Variants in LRIF1 observed in about 807,000 individuals in gnomAD.
LRIF1 encodes ligand dependent nuclear receptor interacting factor 1, also known as ligand-dependent nuclear receptor-interacting factor 1.
LRIF1 carries 32 observed loss-of-function variants against 52.7 expected under a neutral mutation model. The ratio of observed to expected loss-of-function variants is 0.61; its 90% CI spans 0.46 to 0.82. LRIF1 has a LOEUF of 0.82. Ranked by LOEUF, LRIF1 falls within the 40% of genes least tolerant of loss-of-function variation. The pLI, the probability that LRIF1 is intolerant of heterozygous loss-of-function variation, is 0.00. For synonymous variants in LRIF1, 323 were observed against 317.4 expected, an observed-to-expected ratio of 1.02 and a Z score of -0.19; for missense variants, 887 against 892.0, an observed-to-expected ratio of 0.99 and a Z score of 0.07.
the LRIF1 span, among the ~76,000 whole-genome samples, chr1:110,911,463 A>C: frequency 6.6e-6 from 1 of 152,192 alleles, no homozygotes; most frequent in South Asian, 2.1e-4. Flanking sequence ...AAATTACTCA[A>C]AAATATTGAG....
chr1:110,951,316 T>C lies in LRIF1; in HGVS notation c.1568A>G (p.Gln523Arg), dbSNP rs764468580. ...SVDATTVTSQ[Q>R]CVFRDQEPKI... The stretch of plus-strand genomic sequence containing the variant: ...TGGTTCTTGGTCTCTGAAAACACAC[T>C]GTTGTGAAGTAACAGTTGTTGCATC... The change falls in exon 2 of 4, where the codon CAG becomes CGG. Residue 523 changes from glutamine to arginine, a missense_variant. Transcript: ENST00000369763. The C allele has an allele frequency of 6.2e-7, 1 of 1,613,414 alleles. No individual in the cohort carries two copies. Among genetic ancestry groups the C allele is most frequent in the African/African-American group, 1.3e-5 (1 of 74,868 alleles).
At chr1:110,906,634 T>A in the LRIF1 span, among the ~76,000 whole-genome samples, 1 of 152,146 alleles carries the variant, frequency 6.6e-6, no homozygotes, top group East Asian at 1.9e-4. Context: ...CAGAAAATAT[T>A]CTAATTTGAT....
the LRIF1 span, among the ~76,000 whole-genome samples, chr1:110,906,472 A>C: frequency 2.0e-5 from 3 of 152,272 alleles, no homozygotes; most frequent in East Asian, 5.8e-4. Flanking sequence ...TGAGCCCAGA[A>C]GTTCAAGGCT....
chr1:110,897,757 T>G, the LRIF1 span: 14 of 1,090,698 alleles, frequency 1.3e-5, no homozygotes, highest in Non-Finnish European at 2.0e-5. Context: ...TACTTCCTCT[T>G]GATATGGTGG....
chr1:110,944,191 G>A (rs1255682316), downstream of LRIF1: 7 of 152,344 alleles, frequency 4.6e-5, no homozygotes, highest in Middle Eastern at 3.4e-3. Context: ...TTTGAAAGCA[G>A]AACCAACAAA....
chr1:110,920,649 A>G, the LRIF1 span, among the ~76,000 whole-genome samples: 1 of 152,316 alleles, frequency 6.6e-6, no homozygotes, highest in Admixed American at 6.5e-5. Context: ...CATAGAACGT[A>G]CAACACCAAA....
intron 3 of LRIF1, among the ~76,000 whole-genome samples, chr1:110,948,923 T>C (rs1196830902): frequency 6.6e-6 from 1 of 152,196 alleles, no homozygotes; most frequent in African/African-American, 2.4e-5. Context: ...CATGCTTATA[T>C]CTTCTACTAC....
intron 1 of LRIF1, among the ~76,000 whole-genome samples, chr1:110,953,523 T>C (rs1435008330): frequency 6.6e-6 from 1 of 152,210 alleles, no homozygotes; most frequent in Non-Finnish European, 1.5e-5. Context: ...TGAATGGTTT[T>C]CAATCAATGT....
At position 110,949,983 on chromosome 1, in the gene LRIF1, A is replaced by G; in HGVS notation, c.1737T>C (p.Asp579=). 1 of 1,614,102 alleles carries G rather than the reference A, an allele frequency of 6.2e-7. No homozygotes were observed. The highest frequency in any genetic ancestry group is 8.5e-7 in the Non-Finnish European group (1 of 1,179,988). The change falls in exon 3 of 4, where the codon GAT becomes GAC. Residue 579 remains aspartate (D), a synonymous_variant. Transcript: ENST00000369763. ...GAATTCGAGTAAGGCACACTCTCAAATCCTTAGTAAGGCCAAATATCTTTT... is the reference window on the plus strand; with the variant it reads ...GAATTCGAGTAAGGCACACTCTCAAGTCCTTAGTAAGGCCAAATATCTTTT... The part of the protein sequence containing the change: ...EFKKIFGLTK[D]LRVCLTRIPD...
chr1:110,945,527 G>A (rs1658184080), downstream of LRIF1, among the ~76,000 whole-genome samples: 1 of 150,682 alleles, frequency 6.6e-6, no homozygotes, highest in Non-Finnish European at 1.5e-5. Context: ...CCGGGTTCAA[G>A]CAATTCTCCT....
At position 110,952,072 on chromosome 1, in the gene LRIF1, T is replaced by C; in HGVS notation, c.812A>G (p.Asn271Ser). 6.2e-7 allele frequency: 1 copy of C among 1,614,228 alleles called. No individual in the cohort carries two copies. The highest frequency in any genetic ancestry group is 8.5e-7 in the Non-Finnish European group (1 of 1,180,030). The stretch of plus-strand genomic sequence containing the variant: ...TTTCAATTGTGTCTCTGTAGCAACA[T>C]TCTTTGGAATTTGTGTGGTATTTAG... ...VILNTTQIPK[N>S]VATETQLKGG... The change falls in exon 2 of 4, where the codon AAT becomes AGT. Residue 271 changes from asparagine to serine, a missense_variant. Coordinates refer to ENST00000369763, the MANE Select transcript of LRIF1 (RefSeq NM_018372.4).
downstream of LRIF1, chr1:110,943,509 CATT>C (rs1290021634): frequency 6.6e-6 from 1 of 152,116 alleles, no homozygotes; most frequent in East Asian, 1.9e-4. Context: ...TTTAACCAAA[CATT>C]GATGATTACT....
chr1:110,888,043 AAAGC>A, the LRIF1 span, among the ~76,000 whole-genome samples: 2 of 152,176 alleles, frequency 1.3e-5, no homozygotes, highest in Non-Finnish European at 2.9e-5. Context: ...TGTGATGACA[AAAGC>A]AAGAAGTTGC....
At chr1:110,875,789 G>T in the LRIF1 span, among the ~76,000 whole-genome samples, 17 of 152,202 alleles carry the variant, frequency 1.1e-4, no homozygotes, top group Non-Finnish European at 1.8e-4. Context: ...TGAGCTGGAG[G>T]TTGGGTGGTC....
chr1:110,894,851 A>T, the LRIF1 span: 1 of 795,560 alleles, frequency 1.3e-6, no homozygotes, highest in Non-Finnish European at 2.2e-6. Flanking sequence ...TGAGGAGACC[A>T]TTTGGAAGGG....
chr1:110,955,399 T>C (rs1199715198), intron 1 of LRIF1, among the ~76,000 whole-genome samples: 2 of 152,216 alleles, frequency 1.3e-5, no homozygotes, highest in Admixed American at 6.5e-5. Flanking sequence ...TCTCCAATCA[T>C]ATCTTCTACC....
chr1:110,883,971 G>A, the LRIF1 span, among the ~76,000 whole-genome samples: 1 of 151,892 alleles, frequency 6.6e-6, no homozygotes, highest in East Asian at 1.9e-4. Flanking sequence ...TTCTAAAAGA[G>A]CCAACTTTTG....
chr1:110,911,900 T>C, the LRIF1 span, among the ~76,000 whole-genome samples: 1 of 152,130 alleles, frequency 6.6e-6, no homozygotes, highest in Non-Finnish European at 1.5e-5. Flanking sequence ...GCCAATATCA[T>C]ACTAATGGGC....
chr1:110,902,495 T>TAAA, the LRIF1 span, among the ~76,000 whole-genome samples: 10 of 72,662 alleles, frequency 1.4e-4, no homozygotes, highest in African/African-American at 5.6e-4. Flanking sequence ...AATCAATCAC[T>TAAA]AAAAAAAAAA....
Sources: allele counts gnomAD v4.1 joint callset (sites outside exome capture counted in the v4.1 genomes callset), GRCh38; gene constraint gnomAD v4.1.1; transcripts MANE v1.5; gene names NCBI Gene and HGNC (gene_info 2026-07-23, HGNC 2026-07-21).